PPP2R2C: variants seen among roughly 807,000 people sequenced by gnomAD.
The protein encoded by PPP2R2C is protein phosphatase 2 regulatory subunit Bgamma, also known as protein phosphatase 2, regulatory subunit B, gamma.
Under a neutral mutation model 45.3 loss-of-function variants are expected in PPP2R2C, and 10 were observed. That is an observed-to-expected ratio of 0.22 (90% CI 0.14 to 0.37). PPP2R2C has a LOEUF of 0.37. PPP2R2C is among the 10% of genes least tolerant of loss of function. The pLI, the probability that PPP2R2C is intolerant of heterozygous loss-of-function variation, is 1.00. For missense variants in PPP2R2C, 308 were observed against 619.7 expected, an observed-to-expected ratio of 0.50 and a Z score of 5.34; for synonymous variants, 257 against 245.4, an observed-to-expected ratio of 1.05 and a Z score of -0.44.
intron 6 of PPP2R2C, 58 bp downstream of exon 6, chr4:6,347,788 A>G (rs1200173589): frequency 1.5e-6 from 2 of 1,327,922 alleles, no homozygotes; most frequent in East Asian, 5.7e-5. Flanking sequence ...AGGACAGGAC[A>G]TCCCACCCGC....
At chr4:6,537,260 G>A (rs1319979949) in intron 1 of PPP2R2C, among the ~76,000 whole-genome samples, 2 of 152,048 alleles carry the variant, frequency 1.3e-5, no homozygotes, top group East Asian at 1.9e-4. Context: ...TAGCATGGAG[G>A]TCTAAAAACA....
intron 5 of PPP2R2C, among the ~76,000 whole-genome samples, chr4:6,356,327 T>C (rs1417059747): frequency 6.6e-6 from 1 of 152,192 alleles, no homozygotes. Flanking sequence ...CCCTCTGCCT[T>C]CCATGAGTGA....
intron 1 of PPP2R2C, chr4:6,383,375 G>T (rs148844412): frequency 7.8e-7 from 1 of 1,289,716 alleles, no homozygotes; most frequent in Admixed American, 2.3e-5. Context: ...ACGGGGTCTC[G>T]TGTTTTTAAC....
intron 2 of PPP2R2C, among the ~76,000 whole-genome samples, chr4:6,511,827 G>A (rs1577230147): frequency 2.6e-5 from 2 of 77,322 alleles, no homozygotes; most frequent in Non-Finnish European, 5.9e-5. Flanking sequence ...TGATGGTGGT[G>A]GTGGTGGTGA....
intron 2 of PPP2R2C, among the ~76,000 whole-genome samples, chr4:6,532,526 C>T (rs1252492023): frequency 1.3e-5 from 2 of 152,160 alleles, no homozygotes; most frequent in Non-Finnish European, 2.9e-5. Flanking sequence ...TCTGGGGAGG[C>T]GCAGGCTCAT....
At chr4:6,510,715 C>T (rs1329349896) in intron 2 of PPP2R2C, among the ~76,000 whole-genome samples, 4 of 152,152 alleles carry the variant, frequency 2.6e-5, no homozygotes, top group Admixed American at 6.5e-5. Flanking sequence ...CGGTGTCTCA[C>T]GCCTGTAATC....
At chr4:6,417,932 C>A (rs1388833692) in intron 1 of PPP2R2C, among the ~76,000 whole-genome samples, 1 of 152,072 alleles carries the variant, frequency 6.6e-6, no homozygotes, top group African/African-American at 2.4e-5. Context: ...GGAGACTCCC[C>A]TTAGCTCTGG....
intron 1 of PPP2R2C, among the ~76,000 whole-genome samples, chr4:6,423,121 C>T (rs1719082981): frequency 6.6e-6 from 1 of 152,214 alleles, no homozygotes; most frequent in African/African-American, 2.4e-5. Flanking sequence ...TGTTTCATTC[C>T]TTCAACAAAT....
At chr4:6,525,823 C>T (rs1410793129) in intron 2 of PPP2R2C, among the ~76,000 whole-genome samples, 2 of 152,190 alleles carry the variant, frequency 1.3e-5, no homozygotes, top group African/African-American at 4.8e-5. Flanking sequence ...CCCGCCTCAG[C>T]CTCCCGAATA....
At chr4:6,465,492 G>T (rs372421977) in intron 1 of PPP2R2C, among the ~76,000 whole-genome samples, 1 of 152,188 alleles carries the variant, frequency 6.6e-6, no homozygotes, top group Admixed American at 6.5e-5. Flanking sequence ...GCAGAGCAGG[G>T]CCAACCCTAT....
chr4:6,411,559 T>TC (rs1718201206), intron 1 of PPP2R2C, among the ~76,000 whole-genome samples: 1 of 150,866 alleles, frequency 6.6e-6, no homozygotes, highest in African/African-American at 2.4e-5. Context: ...CATTTCTTTT[T>TC]TTTTTTTTTT....
intron 2 of PPP2R2C, among the ~76,000 whole-genome samples, chr4:6,482,191 C>A (rs939929612): frequency 6.6e-6 from 1 of 152,122 alleles, no homozygotes; most frequent in African/African-American, 2.4e-5. Flanking sequence ...ACAATAACAA[C>A]CATTTATATA....
intron 2 of PPP2R2C, among the ~76,000 whole-genome samples, chr4:6,482,274 T>G (rs1455972496): frequency 1.3e-5 from 2 of 152,226 alleles, no homozygotes; most frequent in Admixed American, 1.3e-4. Context: ...CCAGCTTCCC[T>G]GTGAGGTGAA....
intron 1 of PPP2R2C, among the ~76,000 whole-genome samples, chr4:6,407,152 G>T (rs1419525945): frequency 1.3e-5 from 2 of 152,214 alleles, no homozygotes; most frequent in Non-Finnish European, 2.9e-5. Context: ...CAGGAAGAGT[G>T]TAAGTTTCTG....
intron 1 of PPP2R2C, among the ~76,000 whole-genome samples, chr4:6,418,008 G>T (rs754258115): frequency 6.6e-6 from 1 of 152,214 alleles, no homozygotes; most frequent in Non-Finnish European, 1.5e-5. Context: ...TGGAAGGGAA[G>T]GAGGGGGTGG....
intron 4 of PPP2R2C, among the ~76,000 whole-genome samples, chr4:6,373,118 G>C (rs1369520292): frequency 6.6e-6 from 1 of 152,210 alleles, no homozygotes; most frequent in Non-Finnish European, 1.5e-5. Flanking sequence ...CACATGACTA[G>C]TTCTGACCAA....
chr4:6,415,643 G>A (rs559989680), intron 1 of PPP2R2C, among the ~76,000 whole-genome samples: 48 of 152,256 alleles, frequency 3.2e-4, no homozygotes, highest in African/African-American at 1.1e-3. Flanking sequence ...TGCCTCAATC[G>A]ACAGCATTCC....
intron 6 of PPP2R2C, among the ~76,000 whole-genome samples, chr4:6,339,336 C>T (rs1013465531): frequency 1.3e-5 from 2 of 152,228 alleles, no homozygotes; most frequent in Admixed American, 6.5e-5. Context: ...CTCATGGCCC[C>T]GCCCTGCTCC....
At chr4:6,423,291 C>T (rs1363457016) in intron 1 of PPP2R2C, among the ~76,000 whole-genome samples, 2 of 152,208 alleles carry the variant, frequency 1.3e-5, no homozygotes, top group African/African-American at 2.4e-5. Flanking sequence ...GCAACCTCTG[C>T]CTCCCGGATT....
Sources: gnomAD v4.1 joint callset for allele counts (sites outside exome capture counted in the v4.1 genomes callset) on GRCh38, gnomAD v4.1.1 for gene constraint, MANE v1.5 for transcripts, NCBI Gene and HGNC (gene_info 2026-07-23, HGNC 2026-07-21) for gene names.